The following PDZD2 variants were observed in gnomAD, a reference collection of about 807,000 sequenced individuals.
PDZD2 encodes PDZ domain-containing protein 2.
In PDZD2, 90 loss-of-function variants were observed where a neutral mutation model predicts 220.7. That is an observed-to-expected ratio of 0.41 (90% confidence interval 0.34 to 0.49). The LOEUF is 0.49. Among genes scored for constraint, PDZD2 ranks in the 20% least tolerant of loss-of-function variants. The pLI is 0.28. For missense variants in PDZD2, 3,174 were observed against 3,608.5 expected, an observed-to-expected ratio of 0.88 and a Z score of 3.08; for synonymous variants, 1,375 against 1,450.5, an observed-to-expected ratio of 0.95 and a Z score of 1.18.
intron 2 of PDZD2, among the ~76,000 whole-genome samples, chr5:31,861,043 G>A (rs1362468798): frequency 1.3e-5 from 2 of 152,144 alleles, no homozygotes; most frequent in Admixed American, 1.3e-4. Context: ...AAAGAGTAAA[G>A]GAAAGTCTGT....
intron 3 of PDZD2, among the ~76,000 whole-genome samples, chr5:31,985,542 A>G (rs1750646158): frequency 6.6e-6 from 1 of 151,956 alleles, no homozygotes; most frequent in African/African-American, 2.4e-5. Flanking sequence ...AAAATACAAA[A>G]CTTAGGTGGG....
chr5:31,865,877 C>T (rs557897258), intron 2 of PDZD2, among the ~76,000 whole-genome samples: 5 of 150,774 alleles, frequency 3.3e-5, no homozygotes, highest in Admixed American at 6.6e-5. Context: ...GTGATCTGCC[C>T]GCCTCGCCCT....
At chr5:31,720,627 G>A (rs779698015) in intron 1 of PDZD2, among the ~76,000 whole-genome samples, 2 of 152,162 alleles carry the variant, frequency 1.3e-5, no homozygotes, top group South Asian at 4.1e-4. Context: ...ACAAAGTTTG[G>A]ACCGCCATGA....
intron 2 of PDZD2, among the ~76,000 whole-genome samples, chr5:31,974,121 CA>C (rs1425030981): frequency 1.3e-5 from 2 of 152,188 alleles, no homozygotes; most frequent in African/African-American, 4.8e-5. Context: ...GCTGGGATTA[CA>C]GGCACCCGCT....
At chr5:31,693,591 T>G (rs1320512664) in intron 1 of PDZD2, among the ~76,000 whole-genome samples, 1 of 151,486 alleles carries the variant, frequency 6.6e-6, no homozygotes, top group Non-Finnish European at 1.5e-5. Flanking sequence ...TTTGGGGCTG[T>G]ACAGTCTCCT....
intron 2 of PDZD2, chr5:31,855,023 C>T (rs1369668089): frequency 4.1e-6 from 4 of 985,148 alleles, no homozygotes; most frequent in Non-Finnish European, 1.2e-6. Context: ...GGCCCCCGGG[C>T]CGCCTGCAGG....
At chr5:31,931,937 A>C (rs1309223675) in intron 2 of PDZD2, among the ~76,000 whole-genome samples, 1 of 152,156 alleles carries the variant, frequency 6.6e-6, no homozygotes, top group African/African-American at 2.4e-5. Context: ...AACCCTTTCC[A>C]TTAATGGCAG....
intron 1 of PDZD2, among the ~76,000 whole-genome samples, chr5:31,681,539 C>T (rs1366566436): frequency 4.6e-5 from 7 of 152,116 alleles, no homozygotes; most frequent in Non-Finnish European, 8.8e-5. Flanking sequence ...TGAGCCTATA[C>T]ATATGTATAG....
chr5:31,722,023 G>T (rs143396447), intron 1 of PDZD2, among the ~76,000 whole-genome samples: 4 of 151,900 alleles, frequency 2.6e-5, no homozygotes, highest in Non-Finnish European at 5.9e-5. Context: ...CTGTCTGCTC[G>T]AGCTCAACAT....
Position 32,090,425 on chromosome 5 carries a change from C to G in PDZD2, c.6977C>G (p.Pro2326Arg). ...RRHYCYEQNW[P>R]HESTSFFSVK... is the part of the protein sequence containing the mutation. ...CACTACTGCTATGAGCAGAACTGGC[C>G]CCATGAATCTACCTCATTTTTCTCT... Residue 2326 changes from proline (P) to arginine (R), a missense_variant, in exon 20 of 25, where the codon CCC becomes CGC. By Grantham distance (103) the Pro-to-Arg change is moderately radical. Around this residue, in one of 4 missense-constraint regions of PDZD2, gnomAD observed 631 missense variants for 789.9 expected, o/e 0.80. Coordinates refer to ENST00000438447, the MANE Select transcript of PDZD2 (RefSeq NM_178140.4). The surrounding 1 kb of genome is among the most constrained non-coding windows in gnomAD (Gnocchi z 4.3). The G allele has an allele frequency of 6.2e-7, 1 of 1,614,090 alleles. No individual in the cohort carries two copies. The highest frequency in any genetic ancestry group is 1.1e-5 in the South Asian group (1 of 91,084).
At chr5:31,682,671 CTGTGTGTGTG>C (rs70955735) in intron 1 of PDZD2, among the ~76,000 whole-genome samples, 5,740 of 146,270 alleles carry the variant, frequency 0.039, 163 homozygotes, top group African/African-American at 0.079. Context: ...AGTCTTTCGG[CTGTGTGTGTG>C]TGTGTGTGTG....
intron 2 of PDZD2, among the ~76,000 whole-genome samples, chr5:31,913,750 A>G (rs1687212099): frequency 6.6e-6 from 1 of 152,206 alleles, no homozygotes; most frequent in Admixed American, 6.5e-5. Flanking sequence ...ATTGTTCACT[A>G]TGGCCGGGGT....
intron 2 of PDZD2, among the ~76,000 whole-genome samples, chr5:31,902,071 A>G (rs901467144): frequency 6.6e-5 from 10 of 152,216 alleles, no homozygotes; most frequent in Admixed American, 6.5e-5. Context: ...TTGTGTGGAC[A>G]TAATGTTTTC....
intron 1 of PDZD2, among the ~76,000 whole-genome samples, chr5:31,672,874 A>G (rs1746267419): frequency 6.6e-6 from 1 of 152,222 alleles, no homozygotes; most frequent in Admixed American, 6.5e-5. Context: ...CTCCCTTTAC[A>G]TAACACTGAA....
At chr5:31,898,507 T>C (rs1214462001) in intron 2 of PDZD2, among the ~76,000 whole-genome samples, 1 of 152,226 alleles carries the variant, frequency 6.6e-6, no homozygotes. Flanking sequence ...CTACTGCCTT[T>C]TCCTTTGAAG....
chr5:31,734,651 G>A (rs1458500523), intron 1 of PDZD2, among the ~76,000 whole-genome samples: 1 of 152,036 alleles, frequency 6.6e-6, no homozygotes, highest in Admixed American at 6.6e-5. Flanking sequence ...CTCATTATGA[G>A]GCTTGATTGA....
At chr5:31,958,460 G>T (rs1304870554) in intron 2 of PDZD2, among the ~76,000 whole-genome samples, 3 of 151,968 alleles carry the variant, frequency 2.0e-5, no homozygotes, top group African/African-American at 7.2e-5. Context: ...CATCATGTTG[G>T]CCAGGCTGGT....
chr5:32,062,521 G>A (rs1739785875), intron 14 of PDZD2, among the ~76,000 whole-genome samples: 1 of 151,702 alleles, frequency 6.6e-6, no homozygotes, highest in Admixed American at 6.6e-5. Context: ...AGCCTCCAGA[G>A]TAGCTGGGAC....
intron 1 of PDZD2, among the ~76,000 whole-genome samples, chr5:31,703,297 T>G (rs1360958164): frequency 6.6e-6 from 1 of 152,018 alleles, no homozygotes; most frequent in Admixed American, 6.6e-5. Flanking sequence ...TATGCAGCCA[T>G]AAAAAAGAAT....
Sources: allele counts gnomAD v4.1 joint callset (sites outside exome capture counted in the v4.1 genomes callset), GRCh38; gene constraint gnomAD v4.1.1; regional missense constraint gnomAD v4.1.1; non-coding constraint Gnocchi (gnomAD v3.1); transcripts MANE v1.5; gene names NCBI Gene and HGNC (gene_info 2026-07-23, HGNC 2026-07-21).